Variants in AUTS2 observed in about 807,000 individuals in gnomAD.
The protein encoded by AUTS2 is autism susceptibility gene 2 protein.
In AUTS2, 17 loss-of-function variants were observed where a neutral mutation model predicts 112.4. The observed-to-expected ratio is 0.15, with a 90% CI of 0.10 to 0.23. AUTS2 has a LOEUF of 0.23. Among genes scored for constraint, AUTS2 ranks in the 10% least tolerant of loss-of-function variants. The pLI is 1.00. For synonymous variants in AUTS2, 751 were observed against 702.7 expected (o/e 1.07, Z -1.09); for missense variants, 1,510 against 1,701.6 (o/e 0.89, Z 1.98).
At chr7:70,776,914 A>T (rs1432599639) in intron 13 of AUTS2, 189 bp from the exon 14 acceptor site, 6 of 627,078 alleles carry the variant, frequency 9.6e-6, no homozygotes, top group Middle Eastern at 4.1e-4. Flanking sequence ...AGAGAGGGGG[A>T]GCTGGCTGTG....
At chr7:70,650,798 C>T (rs1046781822) in intron 5 of AUTS2, among the ~76,000 whole-genome samples, 1 of 152,206 alleles carries the variant, frequency 6.6e-6, no homozygotes, top group African/African-American at 2.4e-5. Context: ...CACATCTACA[C>T]CCTTGTCTCA....
chr7:70,767,587 G>A (rs1790020867), intron 9 of AUTS2, among the ~76,000 whole-genome samples: 1 of 152,164 alleles, frequency 6.6e-6, no homozygotes, highest in Non-Finnish European at 1.5e-5. Context: ...AGATCACTTT[G>A]TATTTGGGTA....
chr7:69,931,407 A>G (rs1271046507), intron 2 of AUTS2, among the ~76,000 whole-genome samples: 1 of 152,242 alleles, frequency 6.6e-6, no homozygotes. Context: ...GCTTGCTATT[A>G]TACATCTTTG....
At chr7:69,729,334 C>T (rs1397197741) in intron 1 of AUTS2, among the ~76,000 whole-genome samples, 1 of 150,496 alleles carries the variant, frequency 6.6e-6, no homozygotes, top group Admixed American at 6.6e-5. Context: ...CTTTTAATAG[C>T]ATTTTTTTTT....
intron 1 of AUTS2, among the ~76,000 whole-genome samples, chr7:69,894,252 G>GTTTTTTTT (rs370966756): frequency 1.1e-3 from 40 of 36,728 alleles, no homozygotes; most frequent in African/African-American, 4.9e-3. Flanking sequence ...GCCTTAAAGC[G>GTTTTTTTT]TTTTTTTTTT....
chr7:69,729,994 A>AT (rs10684331), intron 1 of AUTS2, among the ~76,000 whole-genome samples: 33,804 of 57,358 alleles, frequency 0.59, 10,743 homozygotes, highest in East Asian at 0.66. Context: ...TGTTGTTTTA[A>AT]TTTTTTTTTT....
intron 3 of AUTS2, among the ~76,000 whole-genome samples, chr7:70,129,082 C>A (rs1447185405): frequency 6.6e-6 from 1 of 152,144 alleles, no homozygotes; most frequent in African/African-American, 2.4e-5. Context: ...GATAACAGAA[C>A]CAGCAGAACA....
chr7:70,682,702 C>T (rs1027221944), intron 5 of AUTS2, among the ~76,000 whole-genome samples: 1 of 152,216 alleles, frequency 6.6e-6, no homozygotes, highest in Non-Finnish European at 1.5e-5. Flanking sequence ...GAATTTGGAG[C>T]CTGGAAATAC....
At chr7:70,506,426 T>C (rs1248522170) in intron 5 of AUTS2, among the ~76,000 whole-genome samples, 5 of 152,190 alleles carry the variant, frequency 3.3e-5, no homozygotes, top group African/African-American at 4.8e-5. Flanking sequence ...ACATGCCTCA[T>C]AGTTTAGCTT....
At chr7:70,667,004 C>A (rs996063274) in intron 5 of AUTS2, among the ~76,000 whole-genome samples, 2 of 151,894 alleles carry the variant, frequency 1.3e-5, no homozygotes, top group African/African-American at 2.4e-5. Context: ...TTCCTTCCCC[C>A]CTCTTCTCTC....
chr7:70,614,192 C>G (rs537424860), intron 5 of AUTS2, among the ~76,000 whole-genome samples: 1 of 152,304 alleles, frequency 6.6e-6, no homozygotes, highest in Admixed American at 6.5e-5. Context: ...GTCTACAGCT[C>G]TCCTCAGAAA....
At chr7:69,737,309 T>C (rs1224416234) in intron 1 of AUTS2, among the ~76,000 whole-genome samples, 1 of 152,210 alleles carries the variant, frequency 6.6e-6, no homozygotes, top group Non-Finnish European at 1.5e-5. Context: ...TACCAAGTAC[T>C]GTGCTAAGTG....
At chr7:70,603,742 C>T (rs1803591654) in intron 5 of AUTS2, among the ~76,000 whole-genome samples, 1 of 152,194 alleles carries the variant, frequency 6.6e-6, no homozygotes, top group South Asian at 2.1e-4. Flanking sequence ...AGGGAAAATA[C>T]TTTATTTTTA....
chr7:70,119,785 T>TA (rs1805588663), intron 3 of AUTS2: 1 of 150,152 alleles, frequency 6.7e-6, no homozygotes, highest in East Asian at 1.9e-4. Flanking sequence ...AGTGTCTGAG[T>TA]ATTAAGAATA....
intron 4 of AUTS2, among the ~76,000 whole-genome samples, chr7:70,373,933 C>A (rs966839614): frequency 6.6e-6 from 1 of 151,890 alleles, no homozygotes; most frequent in Non-Finnish European, 1.5e-5. Context: ...AAGCATATTC[C>A]CATGAATGGT....
chr7:70,196,304 T>C (rs1810171494), intron 4 of AUTS2, among the ~76,000 whole-genome samples: 1 of 152,216 alleles, frequency 6.6e-6, no homozygotes, highest in Non-Finnish European at 1.5e-5. Context: ...GGAAATCAAC[T>C]GGGCTTCAGC....
At chr7:70,593,927 C>T (rs1803070921) in intron 5 of AUTS2, among the ~76,000 whole-genome samples, 1 of 152,186 alleles carries the variant, frequency 6.6e-6, no homozygotes. Context: ...GCCAGCAGCG[C>T]AAGCACAGCG....
At chr7:70,377,355 T>A (rs1280659231) in intron 4 of AUTS2, among the ~76,000 whole-genome samples, 3 of 116,346 alleles carry the variant, frequency 2.6e-5, no homozygotes, top group African/African-American at 1.1e-4. Context: ...TATATATATA[T>A]ATATATATAT....
intron 1 of AUTS2, among the ~76,000 whole-genome samples, chr7:69,729,482 T>TGGTG (rs1786685505): frequency 6.7e-6 from 1 of 148,170 alleles, no homozygotes; most frequent in Non-Finnish European, 1.5e-5. Context: ...CATCACTTTT[T>TGGTG]GGTGGTGTGA....
Sources: gnomAD v4.1 joint callset for allele counts (sites outside exome capture counted in the v4.1 genomes callset) on GRCh38, gnomAD v4.1.1 for gene constraint, MANE v1.5 for transcripts, NCBI Gene and HGNC (gene_info 2026-07-23, HGNC 2026-07-21) for gene names.